Variants in WDSUB1 observed in about 807,000 individuals in gnomAD.
The protein encoded by WDSUB1 is WD repeat, SAM and U-box domain-containing protein 1.
WDSUB1 carries 49 observed loss-of-function variants against 53.9 expected under a neutral mutation model. The observed-to-expected ratio is 0.91, with a 90% CI of 0.72 to 1.15. WDSUB1 has a LOEUF of 1.15. Among genes scored for constraint, WDSUB1 ranks in the 50% most tolerant of loss-of-function variants. The pLI is 0.00. For synonymous variants in WDSUB1, 194 were observed against 200.6 expected, an observed-to-expected ratio of 0.97 and a Z score of 0.28; for missense variants, 514 against 562.0, an observed-to-expected ratio of 0.91 and a Z score of 0.86.
At chr2:159,251,798 C>A (rs974283394) in intron 9 of WDSUB1, among the ~76,000 whole-genome samples, 10 of 152,124 alleles carry the variant, frequency 6.6e-5, no homozygotes, top group African/African-American at 2.4e-4. Flanking sequence ...ACTAAACTAA[C>A]GGATATAAAA....
chr2:159,261,874 ATATATATATATATATATATATATTTTTTT>A (rs2061210701), intron 5 of WDSUB1, among the ~76,000 whole-genome samples: 16 of 14,106 alleles, frequency 1.1e-3, no homozygotes, highest in African/African-American at 4.8e-3. Flanking sequence ...ATATATATAT[ATATATATATATATATATATATATTTTTTT>A]TTTTTTTTTT....
intron 8 of WDSUB1, 42 bp downstream of exon 8, chr2:159,257,716 T>C (rs770357374): frequency 3.2e-6 from 5 of 1,540,664 alleles, no homozygotes; most frequent in Non-Finnish European, 4.5e-6. Context: ...ACCCTAATGG[T>C]GAGTGGGGTT....
chr2:159,254,490 G>C (rs991858329), intron 9 of WDSUB1, among the ~76,000 whole-genome samples: 5 of 152,196 alleles, frequency 3.3e-5, no homozygotes, highest in African/African-American at 4.8e-5. Flanking sequence ...GAGCCTAGGA[G>C]GTTGAAGCTG....
At chr2:159,280,708 A>AAAAAAAAAAAAAAAAAAAAAAAAAC (rs111752652) in intron 2 of WDSUB1, among the ~76,000 whole-genome samples, 9 of 134,364 alleles carry the variant, frequency 6.7e-5, no homozygotes, top group South Asian at 2.4e-4. Context: ...AAAAAAAAAA[A>AAAAAAAAAAAAAAAAAAAAAAAAAC]ATTACCCAGA....
chr2:159,267,744 C>G (rs968949139), intron 5 of WDSUB1, among the ~76,000 whole-genome samples: 2 of 151,504 alleles, frequency 1.3e-5, no homozygotes, highest in African/African-American at 4.9e-5. Flanking sequence ...TTCATTCTAT[C>G]TTATCATTGA....
chr2:159,258,945 A>T (rs762407889), intron 6 of WDSUB1, among the ~76,000 whole-genome samples: 27 of 152,076 alleles, frequency 1.8e-4, no homozygotes, highest in Non-Finnish European at 2.9e-4. Context: ...TTGATTACTT[A>T]TATCTCCATT....
intron 10 of WDSUB1, among the ~76,000 whole-genome samples, chr2:159,246,768 CAT>C (rs1387397150): frequency 2.0e-5 from 3 of 152,130 alleles, no homozygotes; most frequent in Non-Finnish European, 1.5e-5. Context: ...AATGGATAAA[CAT>C]ATTATGGCAT....
At chr2:159,262,232 G>A (rs980085816) in intron 5 of WDSUB1, among the ~76,000 whole-genome samples, 1 of 152,032 alleles carries the variant, frequency 6.6e-6, no homozygotes, top group Middle Eastern at 3.4e-3. Flanking sequence ...TTAATAAGCA[G>A]GATTATCCTT....
intron 1 of WDSUB1, among the ~76,000 whole-genome samples, chr2:159,284,862 G>A (rs73968310): frequency 0.028 from 4,331 of 152,204 alleles, 191 homozygotes; most frequent in African/African-American, 0.094. Context: ...TGGCCTAACA[G>A]TCTTCCGTCT....
chr2:159,259,321 G>A (rs1237005703), intron 6 of WDSUB1, among the ~76,000 whole-genome samples: 2 of 152,064 alleles, frequency 1.3e-5, no homozygotes, highest in African/African-American at 2.4e-5. Context: ...CACTGCACCC[G>A]GCCACAACTT....
At chr2:159,278,592 A>T (rs1172932099) in intron 3 of WDSUB1, among the ~76,000 whole-genome samples, 1 of 152,214 alleles carries the variant, frequency 6.6e-6, no homozygotes, top group Non-Finnish European at 1.5e-5. Flanking sequence ...ATCAGGAGAG[A>T]CTTATCTTTA....
intron 10 of WDSUB1, among the ~76,000 whole-genome samples, chr2:159,238,000 A>G (rs2060533043): frequency 6.6e-6 from 1 of 152,216 alleles, no homozygotes; most frequent in Non-Finnish European, 1.5e-5. Context: ...AGCAATGTTT[A>G]TGAGAATGCC....
chr2:159,276,591 A>G (rs1242256053), intron 3 of WDSUB1, among the ~76,000 whole-genome samples: 1 of 152,254 alleles, frequency 6.6e-6, no homozygotes, highest in East Asian at 1.9e-4. Flanking sequence ...GTATCATTAT[A>G]TATCTACTAA....
At position 159,279,862 on chromosome 2, in the gene WDSUB1, C is replaced by A; in HGVS notation, c.482G>T (p.Gly161Val). 1 of 1,612,592 alleles carries A rather than the reference C, an allele frequency of 6.2e-7. No homozygotes were observed. Among genetic ancestry groups the A allele is most frequent in the Non-Finnish European group, 8.5e-7 (1 of 1,178,938 alleles). Residue 161 changes from glycine (G) to valine (V), a missense_variant, in exon 3 of 11, where the codon GGT (glycine) becomes GTT (valine). Physicochemically the swap from Gly to Val is moderately radical, Grantham distance 109 (BLOSUM62 -3). Transcript: ENST00000359774. The stretch of plus-strand genomic sequence containing the variant: ...TTTATCATCCCACACTGTTAAATCA[C>A]CACATGAGGAGCCAGTGACAAAGAA... ...GSFFVTGSSC[G>V]DLTVWDDKMR...
intron 8 of WDSUB1, 92 bp downstream of exon 8, chr2:159,257,666 G>A: frequency 1.8e-6 from 2 of 1,098,884 alleles, no homozygotes; most frequent in East Asian, 5.0e-5. Flanking sequence ...GGGATTACAG[G>A]TGTGAGCCGC....
At chr2:159,248,266 A>C in intron 10 of WDSUB1, 106 bp downstream of exon 10, 1 of 1,358,278 alleles carries the variant, frequency 7.4e-7, no homozygotes, top group South Asian at 1.4e-5. Context: ...TTAAGAAAAA[A>C]CTACTTAAAA....
chr2:159,268,102 C>A (rs10195399), intron 5 of WDSUB1, among the ~76,000 whole-genome samples: 22,939 of 152,160 alleles, frequency 0.15, 3,482 homozygotes, highest in African/African-American at 0.38. Context: ...ATGAACTTAA[C>A]ACAATATTGA....
intron 5 of WDSUB1, among the ~76,000 whole-genome samples, chr2:159,262,194 C>A (rs1255224432): frequency 6.6e-6 from 1 of 151,852 alleles, no homozygotes; most frequent in African/African-American, 2.4e-5. Flanking sequence ...TAGACTACCA[C>A]CAGAGACAAT....
intron 8 of WDSUB1, 65 bp downstream of exon 8, chr2:159,257,693 T>C (rs2061095685): frequency 6.9e-7 from 1 of 1,449,782 alleles, no homozygotes; most frequent in Non-Finnish European, 9.7e-7. Context: ...CAGCCCGATT[T>C]ACTAACTTTC....
Sources: gnomAD v4.1 joint callset for allele counts (sites outside exome capture counted in the v4.1 genomes callset) on GRCh38, gnomAD v4.1.1 for gene constraint, MANE v1.5 for transcripts, NCBI Gene and HGNC (gene_info 2026-07-23, HGNC 2026-07-21) for gene names.